MBTPS2: variants seen among roughly 807,000 people sequenced by gnomAD.
MBTPS2 encodes membrane-bound transcription factor site-2 protease.
In MBTPS2, 2 loss-of-function variants were observed where a neutral mutation model predicts 35.4. That is an observed-to-expected ratio of 0.06 (90% CI 0.02 to 0.18). The LOEUF (loss-of-function observed/expected upper bound fraction) is 0.18, where lower values mean the gene tolerates loss of function less well. Ranked by LOEUF, MBTPS2 falls within the 10% of genes least tolerant of loss-of-function variation. MBTPS2 has a pLI of 1.00. For synonymous variants in MBTPS2, 125 were observed against 140.4 expected, an observed-to-expected ratio of 0.89 and a Z score of 0.77; for missense variants, 244 against 386.5, an observed-to-expected ratio of 0.63 and a Z score of 3.09.
chrX:21,849,792 G>A (rs1446141006), intron 3 of MBTPS2, among the ~76,000 whole-genome samples: 8 of 105,501 alleles, frequency 7.6e-5, no homozygotes, highest in Admixed American at 2.1e-4. Context: ...TTTGGGAGGC[G>A]GAGGAAGGCG....
chrX:21,861,852 T>G (rs970012245), intron 5 of MBTPS2, among the ~76,000 whole-genome samples: 2 of 112,462 alleles, frequency 1.8e-5, no homozygotes, highest in Non-Finnish European at 3.8e-5. Flanking sequence ...TTTCTGGAAT[T>G]TAATAATTTA....
intron 4 of MBTPS2, among the ~76,000 whole-genome samples, chrX:21,852,275 C>T (rs910446858): frequency 1.8e-5 from 2 of 111,834 alleles, no homozygotes; most frequent in African/African-American, 3.3e-5. Context: ...CTGATAATTA[C>T]GGCCATAATT....
At chrX:21,848,350 C>T (rs760070942) in intron 3 of MBTPS2, among the ~76,000 whole-genome samples, 23 of 108,560 alleles carry the variant, frequency 2.1e-4, no homozygotes, top group African/African-American at 2.7e-4. Context: ...ACCTGGGAGG[C>T]GGAGGTTGTA....
chrX:21,848,508 C>A (rs1426642072), intron 3 of MBTPS2, among the ~76,000 whole-genome samples: 2 of 109,154 alleles, frequency 1.8e-5, no homozygotes, highest in Non-Finnish European at 3.8e-5. Context: ...ACTAAAAATA[C>A]AAAATAAATA....
chrX:21,882,823 G>A lies in MBTPS2; in HGVS notation c.*168G>A. On this transcript the variant is annotated 3_prime_UTR_variant, in exon 11 of 11. Coordinates refer to ENST00000379484, the MANE Select transcript of MBTPS2 (RefSeq NM_015884.4). ...CATATCCAGAGTACCCAAACTCTGT[G>A]GTAGAAGATAAGCAGAAGAAATGAA... 1 of 1,111,971 alleles carries A rather than the reference G, an allele frequency of 9.0e-7. No homozygotes were observed. The allele number at this position is 1,111,971 out of a possible 1,213,427, so 91.6% of individuals were successfully genotyped here.
intron 2 of MBTPS2, among the ~76,000 whole-genome samples, chrX:21,844,037 G>T (rs2092905742): frequency 9.2e-6 from 1 of 108,217 alleles, no homozygotes; most frequent in Non-Finnish European, 1.9e-5. Flanking sequence ...TTGAACTTGG[G>T]AGGCAGAGGT....
chrX:21,857,153 G>T (rs776241984), intron 5 of MBTPS2: 3 of 1,211,695 alleles, frequency 2.5e-6, no homozygotes, highest in Non-Finnish European at 3.4e-6. Flanking sequence ...CTCCTGGGGG[G>T]TTACCAGGCA....
chrX:21,854,822 A>G (rs965100557), intron 5 of MBTPS2, among the ~76,000 whole-genome samples: 6 of 112,277 alleles, frequency 5.3e-5, no homozygotes, highest in Admixed American at 4.7e-4. Context: ...TGGGACTTAA[A>G]GTCACAGTAA....
At chrX:21,850,072 A>T (rs2092913276) in intron 3 of MBTPS2, among the ~76,000 whole-genome samples, 1 of 109,093 alleles carries the variant, frequency 9.2e-6, no homozygotes, top group African/African-American at 3.3e-5. Context: ...CAAACCCATA[A>T]CATGTCTCAA....
intron 5 of MBTPS2, among the ~76,000 whole-genome samples, chrX:21,868,146 A>G (rs1182257022): frequency 8.9e-6 from 1 of 111,768 alleles, no homozygotes; most frequent in East Asian, 2.8e-4. Flanking sequence ...GATCACAAAT[A>G]TGTTTAAATT....
rs892388876 is a variant in MBTPS2 at position 21,885,238 on chromosome X, C to G, written c.*2583C>G. The G allele has an allele frequency of 2.7e-6, 2 of 748,657 alleles. No homozygotes were observed. Among genetic ancestry groups the G allele is most frequent in the African/African-American group, 4.6e-5 (2 of 43,134 alleles). 61.7% of individuals were successfully genotyped at this position (748,657 alleles called of 1,213,427 possible). A position where few individuals can be genotyped will look rare whatever the true frequency, so the allele number is the denominator to read the frequency against. On this transcript the variant is annotated 3_prime_UTR_variant, in exon 11 of 11. Coordinates refer to ENST00000379484, the MANE Select transcript of MBTPS2 (RefSeq NM_015884.4). ...TGTGCTTCATAGATATTGTGGCTCTCAGTCATCACTTTGTCCTATGGTATT... is the reference window on the plus strand; with the variant it reads ...TGTGCTTCATAGATATTGTGGCTCTGAGTCATCACTTTGTCCTATGGTATT...
At chrX:21,861,111 A>C (rs1184600860) in intron 5 of MBTPS2, among the ~76,000 whole-genome samples, 1 of 112,353 alleles carries the variant, frequency 8.9e-6, no homozygotes, top group East Asian at 2.8e-4. Context: ...CAATCAAAAA[A>C]TGGCAATGGA....
chrX:21,850,731 G>C (rs1007544076), intron 3 of MBTPS2, among the ~76,000 whole-genome samples: 1 of 111,503 alleles, frequency 9.0e-6, no homozygotes, highest in African/African-American at 3.3e-5. Context: ...ATCTTCCCTT[G>C]TGTATGCAAT....
At chrX:21,845,034 T>C (rs2092907036) in intron 2 of MBTPS2, 137 bp from the exon 3 acceptor site, 2 of 929,099 alleles carry the variant, frequency 2.2e-6, no homozygotes, top group South Asian at 2.2e-5. Context: ...TTGAAGTTCA[T>C]GTAGGAAAAA....
chrX:21,846,286 C>A (rs1053626308), intron 3 of MBTPS2, among the ~76,000 whole-genome samples: 2 of 111,877 alleles, frequency 1.8e-5, no homozygotes, highest in African/African-American at 6.5e-5. Flanking sequence ...AAGTCACTTG[C>A]CTGTGGTCAC....
chrX:21,859,239 CTATG>C (rs2092928160), intron 5 of MBTPS2, among the ~76,000 whole-genome samples: 1 of 108,830 alleles, frequency 9.2e-6, no homozygotes, highest in Non-Finnish European at 1.9e-5. Flanking sequence ...CTTAATAAGT[CTATG>C]TATGGTTTTT....
chrX:21,859,031 C>G (rs1404251983), intron 5 of MBTPS2, among the ~76,000 whole-genome samples: 1 of 110,306 alleles, frequency 9.1e-6, no homozygotes, highest in East Asian at 2.9e-4. Context: ...CATGGTGAAA[C>G]CATCCCCCGG....
intron 5 of MBTPS2, among the ~76,000 whole-genome samples, chrX:21,860,091 CAAAAAAAA>C (rs536679485): frequency 1.6e-5 from 1 of 63,110 alleles, no homozygotes; most frequent in African/African-American, 5.9e-5. Flanking sequence ...GACCTTGTGT[CAAAAAAAA>C]AAAAAAAAAG....
chrX:21,861,930 T>C lies in MBTPS2; in HGVS notation c.671-6537T>C, dbSNP rs370806688. ...TTCATTACTTGGAACATGTGTTAGC[T>C]AGGTATTTGGCTGCTCTAATAACTA... On this transcript the variant is annotated intron_variant, in intron 5 of 10. Coordinates refer to ENST00000379484, the MANE Select transcript of MBTPS2 (RefSeq NM_015884.4). Among the ~76,000 whole-genome samples the C allele has an allele frequency of 5.3e-5, 6 of 112,353 alleles. No individual in the cohort carries two copies. The East Asian group carries it at 1.7e-3, about 31-fold the overall frequency.
Sources: gnomAD v4.1 joint callset for allele counts (sites outside exome capture counted in the v4.1 genomes callset) on GRCh38, gnomAD v4.1.1 for gene constraint, MANE v1.5 for transcripts, NCBI Gene and HGNC (gene_info 2026-07-23, HGNC 2026-07-21) for gene names.